ITGAM: variants seen among roughly 807,000 people sequenced by gnomAD.
The protein encoded by ITGAM is integrin subunit alpha M, also known as integrin alpha-M.
In ITGAM, 79 loss-of-function variants were observed where a neutral mutation model predicts 137.5. The ratio of observed to expected loss-of-function variants is 0.57; its 90% confidence interval spans 0.48 to 0.69. The LOEUF is 0.69. Ranked by LOEUF, ITGAM falls within the 30% of genes least tolerant of loss-of-function variation. The pLI is 0.00. For synonymous variants in ITGAM, 583 were observed against 592.3 expected, an observed-to-expected ratio of 0.98 and a Z score of 0.23; for missense variants, 1,343 against 1,483.5, an observed-to-expected ratio of 0.91 and a Z score of 1.56.
In ITGAM at chr16:31,273,405, G is replaced by A. The variant is rs2079873239; in HGVS notation, c.745G>A (p.Ala249Thr). ...CATCACCAACGGAGCCCGAAAGAATGCCTTTAAGATCCTAGTTGTCATCAC... is the reference window on the plus strand; with the variant it reads ...CATCACCAACGGAGCCCGAAAGAATACCTTTAAGATCCTAGTTGTCATCAC... ...FNITNGARKN[A>T]FKILVVITDG... Residue 249 changes from alanine to threonine, a missense_variant, in exon 8 of 30, where the codon GCC becomes ACC. Physicochemically the swap from Ala to Thr is moderately conservative, Grantham distance 58. Transcript: ENST00000544665. 1 of 1,613,824 alleles carries A rather than the reference G, an allele frequency of 6.2e-7. No homozygotes were observed. Among genetic ancestry groups the A allele is most frequent in the Non-Finnish European group, 8.5e-7 (1 of 1,179,800 alleles).
intron 12 of ITGAM, among the ~76,000 whole-genome samples, chr16:31,278,905 G>A (rs529116170): frequency 7.2e-4 from 110 of 151,942 alleles, no homozygotes; most frequent in Non-Finnish European, 1.4e-3. Flanking sequence ...ACCCTACGAC[G>A]GGCCCTGGTG....
chr16:31,270,743 A>ATT (rs1475429642), intron 5 of ITGAM, among the ~76,000 whole-genome samples: 1 of 106,196 alleles, frequency 9.4e-6, no homozygotes, highest in African/African-American at 4.8e-5. Context: ...ATATATATAT[A>ATT]TGTTTTTAAC....
chr16:31,272,982 G>A (rs1224509214), intron 7 of ITGAM, among the ~76,000 whole-genome samples: 1 of 151,882 alleles, frequency 6.6e-6, no homozygotes, highest in Non-Finnish European at 1.5e-5. Context: ...CTGGGACTCT[G>A]CTGACATTTC....
chr16:31,312,829 G>T (rs576193935), intron 14 of ITGAM, among the ~76,000 whole-genome samples: 2 of 149,932 alleles, frequency 1.3e-5, no homozygotes, highest in South Asian at 4.2e-4. Flanking sequence ...CTTTTGCAGT[G>T]AATGCTTAGG....
intron 12 of ITGAM, among the ~76,000 whole-genome samples, chr16:31,282,280 C>G (rs1174633458): frequency 6.6e-6 from 1 of 152,032 alleles, no homozygotes; most frequent in Admixed American, 6.6e-5. Context: ...TCCTTGTTAA[C>G]TTTCTGTCTC....
intron 24 of ITGAM, 33 bp from the exon 25 acceptor site, chr16:31,329,765 G>T: frequency 1.3e-6 from 2 of 1,532,462 alleles, no homozygotes; most frequent in Non-Finnish European, 8.8e-7. Flanking sequence ...GGGGAGGAAG[G>T]CCAGAGCCCT....
chr16:31,302,409 T>TC (rs1302722286), intron 14 of ITGAM, among the ~76,000 whole-genome samples: 4 of 100,066 alleles, frequency 4.0e-5, no homozygotes, highest in East Asian at 4.1e-4. Flanking sequence ...TCTTTTCTTT[T>TC]TTCTTTCTTT....
chr16:31,328,699 T>G (rs2080538317), intron 23 of ITGAM, among the ~76,000 whole-genome samples: 1 of 150,568 alleles, frequency 6.6e-6, no homozygotes, highest in African/African-American at 2.5e-5. Context: ...TTTGTGCATG[T>G]GTGTGTATGA....
chr16:31,289,721 G>A (rs950318229), intron 12 of ITGAM, among the ~76,000 whole-genome samples: 7 of 152,084 alleles, frequency 4.6e-5, no homozygotes, highest in African/African-American at 1.2e-4. Flanking sequence ...AAACCTGCAC[G>A]TTGTGCACAT....
chr16:31,283,185 C>A (rs1253054302), intron 12 of ITGAM, among the ~76,000 whole-genome samples: 2 of 152,130 alleles, frequency 1.3e-5, no homozygotes, highest in Admixed American at 1.3e-4. Flanking sequence ...GTGAATCTGA[C>A]AATTATGTGT....
At chr16:31,263,541 G>GC (rs2079728961) in intron 2 of ITGAM, among the ~76,000 whole-genome samples, 1 of 151,228 alleles carries the variant, frequency 6.6e-6, no homozygotes, top group Non-Finnish European at 1.5e-5. Flanking sequence ...CAAACTTACT[G>GC]ATCTCTGCAG....
At chr16:31,289,244 C>T (rs1027403246) in intron 12 of ITGAM, among the ~76,000 whole-genome samples, 4 of 152,190 alleles carry the variant, frequency 2.6e-5, no homozygotes, top group African/African-American at 9.7e-5. Context: ...ACCCAGCCAT[C>T]CCATTACTGG....
At chr16:31,284,165 C>T (rs1328769748) in intron 12 of ITGAM, among the ~76,000 whole-genome samples, 1 of 152,214 alleles carries the variant, frequency 6.6e-6, no homozygotes, top group Non-Finnish European at 1.5e-5. Flanking sequence ...AGTTAGGCTA[C>T]TTGGGGGTCA....
At chr16:31,286,753 T>C (rs1871624929) in intron 12 of ITGAM, among the ~76,000 whole-genome samples, 2 of 152,220 alleles carry the variant, frequency 1.3e-5, no homozygotes, top group African/African-American at 4.8e-5. Flanking sequence ...ATTTCAGACC[T>C]TTGTCAGATG....
At position 31,331,290 on chromosome 16, in the gene ITGAM, TC is replaced by T; in HGVS notation, c.3387+20del. On this transcript the variant is annotated intron_variant, in intron 29 of 29. Coordinates refer to ENST00000544665, the MANE Select transcript of ITGAM (RefSeq NM_000632.4). ...CGCTGTACAAGGTGCTCCCCGCTGC[TC>T]CCCCACCCCCTCCCTTCATCCTCTC... 2.9e-6 allele frequency: 4 copies of T among 1,379,730 alleles called. No homozygotes were observed. Among genetic ancestry groups the T allele is most frequent in the East Asian group, 2.3e-5 (1 of 43,118 alleles). The allele number at this position is 1,379,730 out of a possible 1,614,324, so 85.5% of individuals were successfully genotyped here.
intron 5 of ITGAM, among the ~76,000 whole-genome samples, chr16:31,270,594 G>T (rs558481543): frequency 2.2e-4 from 33 of 149,988 alleles, no homozygotes; most frequent in South Asian, 4.3e-4. Context: ...GCTCACTGAA[G>T]CCTCAACCTT....
rs139940890 is a variant in ITGAM, at chr16:31,329,393, G to A, written c.2868+90G>A. On this transcript the variant is annotated intron_variant, in intron 24 of 29. Coordinates refer to ENST00000544665, the MANE Select transcript of ITGAM (RefSeq NM_000632.4). ...GCAGAAACAGGGATGGGAAATGTGC[G>A]CAAGGCACCTGTGGTGTGCCAGGCT... 130 of 948,702 alleles carry A rather than the reference G, an allele frequency of 1.4e-4. 1 individual carries two copies. The African/African-American group carries it at 2.0e-3, about 14-fold the overall frequency. 58.8% of individuals were successfully genotyped at this position (948,702 alleles called of 1,614,324 possible).
At chr16:31,272,017 A>T in intron 7 of ITGAM, 25 bp downstream of exon 7, 2 of 1,613,624 alleles carry the variant, frequency 1.2e-6, no homozygotes, top group Non-Finnish European at 8.5e-7. Context: ...TTCCCTTAGG[A>T]TGGAGGGAGG....
At chr16:31,270,732 TATATA>T (rs1426080564) in intron 5 of ITGAM, among the ~76,000 whole-genome samples, 11 of 112,452 alleles carry the variant, frequency 9.8e-5, no homozygotes, top group Non-Finnish European at 2.0e-4. Flanking sequence ...TATATATATA[TATATA>T]TATATATGTT....
Sources: allele counts gnomAD v4.1 joint callset (sites outside exome capture counted in the v4.1 genomes callset), GRCh38; gene constraint gnomAD v4.1.1; transcripts MANE v1.5; gene names NCBI Gene and HGNC (gene_info 2026-07-23, HGNC 2026-07-21).